Variants in FAM117B observed in about 807,000 individuals in gnomAD.
FAM117B encodes the protein protein FAM117B.
FAM117B carries 22 observed loss-of-function variants against 52.8 expected under a neutral mutation model. The ratio of observed to expected loss-of-function variants is 0.42; its 90% CI spans 0.30 to 0.59. The LOEUF (loss-of-function observed/expected upper bound fraction) is 0.59, where lower values mean the gene tolerates loss of function less well. FAM117B is among the 20% of genes least tolerant of loss of function. FAM117B has a pLI of 0.22. For missense variants in FAM117B, 678 were observed against 802.6 expected (o/e 0.84, Z 1.88); for synonymous variants, 309 against 324.1 (o/e 0.95, Z 0.50).
Position 202,757,319 on chromosome 2 carries a change from GCAA to G in FAM117B, c.1217_1219del (p.Asn406del), listed in dbSNP as rs866754699. 1.2e-6 allele frequency: 2 copies of G among 1,614,034 alleles called. No individual in the cohort carries two copies. Among genetic ancestry groups the G allele is most frequent in the African/African-American group, 2.7e-5 (2 of 74,886 alleles). ...ACGCCTGGTGGGGCAGACAGGGGAA[GCAA>G]CAACAGCAGCCGTTCCCAGTCCGTG... is the stretch of plus-strand genomic sequence containing the variant. On this transcript the variant is annotated inframe_deletion, in exon 6 of 8. Transcript: ENST00000392238.
At chr2:202,695,531 C>T (rs893175373) in intron 1 of FAM117B, among the ~76,000 whole-genome samples, 3 of 152,060 alleles carry the variant, frequency 2.0e-5, no homozygotes, top group African/African-American at 7.2e-5. Context: ...TGCTGATGTT[C>T]GAGGAATTTT....
chr2:202,731,796 C>T (rs1447790518), intron 4 of FAM117B, among the ~76,000 whole-genome samples: 2 of 151,346 alleles, frequency 1.3e-5, no homozygotes, highest in African/African-American at 4.9e-5. Context: ...AGTGCAATGG[C>T]ATGATCTTGG....
intron 1 of FAM117B, among the ~76,000 whole-genome samples, chr2:202,685,577 G>T (rs1306380826): frequency 4.6e-5 from 7 of 151,980 alleles, no homozygotes; most frequent in Non-Finnish European, 8.8e-5. Context: ...TAAAATTAAA[G>T]AACTTACATT....
intron 1 of FAM117B, among the ~76,000 whole-genome samples, chr2:202,652,011 C>T (rs1689965442): frequency 6.8e-6 from 1 of 147,996 alleles, no homozygotes; most frequent in African/African-American, 2.5e-5. Flanking sequence ...TGAGGTGGTG[C>T]CATTGCACTC....
At chr2:202,671,232 G>A (rs1690295386) in intron 1 of FAM117B, among the ~76,000 whole-genome samples, 1 of 152,204 alleles carries the variant, frequency 6.6e-6, no homozygotes, top group Admixed American at 6.5e-5. Context: ...GGATTTGTTT[G>A]GTTCCAAATA....
At chr2:202,666,585 G>A (rs1574547599) in intron 1 of FAM117B, among the ~76,000 whole-genome samples, 1 of 151,456 alleles carries the variant, frequency 6.6e-6, no homozygotes, top group African/African-American at 2.4e-5. Context: ...GGGATGTGGG[G>A]GTATGTTACA....
In FAM117B at chr2:202,684,803, T is replaced by A. The variant is rs1028813613; in HGVS notation, c.602-11078T>A. ...ATGTATTGATTGGTTGATGAAAGTG[T>A]TGTGATTAGAGGCTTATAGGAATAT... On this transcript the variant is annotated intron_variant, in intron 1 of 7. Transcript: ENST00000392238. Among the ~76,000 whole-genome samples, 11 of 152,122 alleles carry A rather than the reference T, an allele frequency of 7.2e-5. 1 individual carries two copies. The highest frequency in any genetic ancestry group is 1.9e-4 in the African/African-American group (8 of 41,420).
intron 4 of FAM117B, among the ~76,000 whole-genome samples, chr2:202,745,722 A>T (rs1286741161): frequency 6.6e-6 from 1 of 152,190 alleles, no homozygotes; most frequent in East Asian, 1.9e-4. Context: ...CCCTGTAAAA[A>T]CACATATTGA....
At chr2:202,681,601 A>T (rs991937010) in intron 1 of FAM117B, among the ~76,000 whole-genome samples, 5 of 152,274 alleles carry the variant, frequency 3.3e-5, no homozygotes, top group Admixed American at 6.5e-5. Context: ...GAGTGTTTGC[A>T]TCGAATAGGA....
At chr2:202,706,604 T>C (rs1690871843) in intron 2 of FAM117B, among the ~76,000 whole-genome samples, 1 of 152,268 alleles carries the variant, frequency 6.6e-6, no homozygotes, top group Middle Eastern at 3.2e-3. Flanking sequence ...CAGGTTGTTT[T>C]CTTTGAATTG....
intron 1 of FAM117B, among the ~76,000 whole-genome samples, chr2:202,657,170 C>A (rs1042379264): frequency 2.0e-5 from 3 of 152,090 alleles, no homozygotes; most frequent in Admixed American, 6.5e-5. Flanking sequence ...TCACTGCAAC[C>A]TCCTCCTCTT....
rs1692023398 is a variant in FAM117B, at chr2:202,768,625, T to C, written c.*2861T>C. The C allele has an allele frequency of 6.6e-6, 1 of 152,638 alleles. No individual in the cohort carries two copies. Among genetic ancestry groups the C allele is most frequent in the Non-Finnish European group, 1.5e-5 (1 of 68,030 alleles). The allele number at this position is 152,638 out of a possible 1,614,324, so 9.5% of individuals were successfully genotyped here. ...TTAGTTCCCTGGTGGTTGATTTTTTTTTTAAATGGGTCTCCAGCTTTCCAG... is the reference window on the plus strand; with the variant it reads ...TTAGTTCCCTGGTGGTTGATTTTTTCTTTAAATGGGTCTCCAGCTTTCCAG... On this transcript the variant is annotated 3_prime_UTR_variant, in exon 8 of 8. Coordinates refer to ENST00000392238, the MANE Select transcript of FAM117B (RefSeq NM_173511.4).
chr2:202,769,573 T>A lies in FAM117B; in HGVS notation c.*3809T>A, dbSNP rs555238219. On this transcript the variant is annotated 3_prime_UTR_variant, in exon 8 of 8. Coordinates refer to ENST00000392238, the MANE Select transcript of FAM117B (RefSeq NM_173511.4). ...TCATTTTTTGTCTCTGTGGAAGCTG[T>A]GTAACTCTTTTTAAAATGCAATTTA... 1 of 152,752 alleles carries A rather than the reference T, an allele frequency of 6.5e-6. No individual in the cohort carries two copies. Among genetic ancestry groups the A allele is most frequent in the African/African-American group, 2.4e-5 (1 of 41,572 alleles). The allele number at this position is 152,752 out of a possible 1,614,324, so 9.5% of individuals were successfully genotyped here. A position where few individuals can be genotyped will look rare whatever the true frequency, so the allele number is the denominator to read the frequency against.
chr2:202,637,389 C>G (rs1689704454), intron 1 of FAM117B, among the ~76,000 whole-genome samples: 1 of 151,860 alleles, frequency 6.6e-6, no homozygotes, highest in Admixed American at 6.6e-5. Context: ...TCCCGAGTAG[C>G]TGGGATTACA....
chr2:202,749,139 A>C (rs115488093), intron 4 of FAM117B, among the ~76,000 whole-genome samples: 1 of 152,138 alleles, frequency 6.6e-6, no homozygotes, highest in African/African-American at 2.4e-5. Context: ...ATATTTTACT[A>C]TTTGGTTTGG....
chr2:202,668,727 A>G (rs568002346), intron 1 of FAM117B, among the ~76,000 whole-genome samples: 1 of 152,134 alleles, frequency 6.6e-6, no homozygotes, highest in African/African-American at 2.4e-5. Context: ...TGTATCAGCA[A>G]AGAAAAAGGA....
rs1232608674 is a variant in FAM117B, at chr2:202,766,852, GTT to G, written c.*1090_*1091del. ...TCTTGTGGATTTGGTTGGGCTAGTA[GTT>G]TGCCAGGAGTGTAATCCAGTGGATA... On this transcript the variant is annotated 3_prime_UTR_variant, in exon 8 of 8. Transcript: ENST00000392238. The G allele has an allele frequency of 6.6e-6, 1 of 152,386 alleles. No individual in the cohort carries two copies. The highest frequency in any genetic ancestry group is 1.5e-5 in the Non-Finnish European group (1 of 68,070). 9.4% of individuals were successfully genotyped at this position (152,386 alleles called of 1,614,324 possible). A position where few individuals can be genotyped will look rare whatever the true frequency, so the allele number is the denominator to read the frequency against.
intron 4 of FAM117B, among the ~76,000 whole-genome samples, chr2:202,745,908 A>G (rs1183232055): frequency 6.6e-6 from 1 of 152,196 alleles, no homozygotes; most frequent in Non-Finnish European, 1.5e-5. Context: ...AACAATTGTA[A>G]ATATATATGC....
At chr2:202,749,081 T>C (rs1185095104) in intron 4 of FAM117B, among the ~76,000 whole-genome samples, 2 of 152,194 alleles carry the variant, frequency 1.3e-5, no homozygotes, top group Admixed American at 1.3e-4. Context: ...GAGAGTTTCA[T>C]GAAACATATA....
Sources: gnomAD v4.1 joint callset for allele counts (sites outside exome capture counted in the v4.1 genomes callset) on GRCh38, gnomAD v4.1.1 for gene constraint, MANE v1.5 for transcripts, NCBI Gene and HGNC (gene_info 2026-07-23, HGNC 2026-07-21) for gene names.